EGFLAM: variants seen among roughly 807,000 people sequenced by gnomAD.
The protein encoded by EGFLAM is pikachurin.
EGFLAM carries 79 observed loss-of-function variants against 113.1 expected under a neutral mutation model. The ratio of observed to expected loss-of-function variants is 0.70; its 90% confidence interval spans 0.58 to 0.84. The LOEUF (loss-of-function observed/expected upper bound fraction) is 0.84. Ranked by LOEUF, EGFLAM falls within the 40% of genes least tolerant of loss-of-function variation. EGFLAM has a pLI of 0.00. For missense variants in EGFLAM, 1,265 were observed against 1,291.6 expected (o/e 0.98, Z 0.32); for synonymous variants, 504 against 487.6 (o/e 1.03, Z -0.44).
chr5:38,362,148 C>CA (rs1739940411), intron 5 of EGFLAM, among the ~76,000 whole-genome samples: 1 of 152,184 alleles, frequency 6.6e-6, no homozygotes, highest in African/African-American at 2.4e-5. Flanking sequence ...TGCCCCACTT[C>CA]AATCCCAACT....
At position 38,390,093 on chromosome 5, in the gene EGFLAM, G is replaced by A. The variant is rs180839604; in HGVS notation, c.713-16033G>A. Among the ~76,000 whole-genome samples the A allele has an allele frequency of 4.5e-4, 68 of 152,140 alleles. No individual in the cohort carries two copies. The East Asian group carries it at 0.013, about 28-fold the overall frequency. On this transcript the variant is annotated intron_variant, in intron 6 of 21. Coordinates refer to ENST00000322350, the MANE Select transcript of EGFLAM (RefSeq NM_152403.4). The stretch of plus-strand genomic sequence containing the variant: ...TAGAGAAAAAAATTACAGGTACAGG[G>A]GCAGCCCCTGAGTACTTCCCAACAC...
At chr5:38,317,398 C>A (rs1296020876) in intron 1 of EGFLAM, among the ~76,000 whole-genome samples, 2 of 152,056 alleles carry the variant, frequency 1.3e-5, no homozygotes, top group African/African-American at 4.8e-5. Context: ...ATGCCTTGTG[C>A]CTGGCCTTGG....
chr5:38,426,105 G>GAAA (rs34149274), intron 13 of EGFLAM, among the ~76,000 whole-genome samples: 5 of 142,286 alleles, frequency 3.5e-5, no homozygotes, highest in African/African-American at 7.7e-5. Context: ...TCCATCTTGG[G>GAAA]AAAAAAAAAA....
At chr5:38,260,476 C>A (rs1757473010) in intron 1 of EGFLAM, among the ~76,000 whole-genome samples, 1 of 152,116 alleles carries the variant, frequency 6.6e-6, no homozygotes, top group South Asian at 2.1e-4. Flanking sequence ...TGGAGTTCTT[C>A]TCCTAAAAAG....
At chr5:38,446,969 C>T (rs1742733563) in intron 17 of EGFLAM, among the ~76,000 whole-genome samples, 1 of 152,114 alleles carries the variant, frequency 6.6e-6, no homozygotes, top group African/African-American at 2.4e-5. Flanking sequence ...CATGTATTTT[C>T]GTGAAGCTAT....
rs536530882 is a variant in EGFLAM, at chr5:38,269,615, G to A, written c.97+10764G>A. On this transcript the variant is annotated intron_variant, in intron 1 of 21. Transcript: ENST00000322350. ...CGCCATTCTCCTGCCTCAGCCTCCC[G>A]AGTAGCTGGGACTACAGGTGCGCGC... Among the ~76,000 whole-genome samples, 30 of 151,428 alleles carry A rather than the reference G, an allele frequency of 2.0e-4. 1 individual carries two copies. The highest frequency in any genetic ancestry group is 6.3e-4 in the African/African-American group (26 of 41,278).
intron 1 of EGFLAM, among the ~76,000 whole-genome samples, chr5:38,336,351 G>C (rs1331571605): frequency 6.6e-6 from 1 of 152,110 alleles, no homozygotes; most frequent in Non-Finnish European, 1.5e-5. Context: ...AGGCGGGCAG[G>C]TCACAAGGTC....
chr5:38,397,096 C>T lies in EGFLAM; in HGVS notation c.713-9030C>T, dbSNP rs1740981205. 2.6e-5 allele frequency among the ~76,000 whole-genome samples: 4 copies of T among 152,230 alleles called. No individual in the cohort carries two copies. The South Asian group carries it at 8.3e-4, about 31-fold the overall frequency. ...GCTTTGAGGTGAGGCCTCTGGAAGT[C>T]ACTGGATGCCTGAGGTGCCATTCTT... On this transcript the variant is annotated intron_variant, in intron 6 of 21. Coordinates refer to ENST00000322350, the MANE Select transcript of EGFLAM (RefSeq NM_152403.4).
rs560425572 is a variant in EGFLAM at position 38,331,141 on chromosome 5, T to C, written c.98-6379T>C. ...ATTCATAGTAAAATTAAGAGGAAGG[T>C]AGAGAGATTTCCCATATACTCCCTG... On this transcript the variant is annotated intron_variant, in intron 1 of 21. Coordinates refer to ENST00000322350, the MANE Select transcript of EGFLAM (RefSeq NM_152403.4). 3.9e-5 allele frequency among the ~76,000 whole-genome samples: 6 copies of C among 152,230 alleles called. No individual in the cohort carries two copies. In the South Asian group the frequency reaches 1.2e-3, roughly 32 times the overall value.
chr5:38,368,351 G>C (rs1740118581), intron 5 of EGFLAM, among the ~76,000 whole-genome samples: 1 of 152,164 alleles, frequency 6.6e-6, no homozygotes, highest in Non-Finnish European at 1.5e-5. Context: ...AACCAGCCCT[G>C]CTTCCTCCAT....
At chr5:38,445,026 T>G (rs947516394) in intron 17 of EGFLAM, among the ~76,000 whole-genome samples, 22 of 152,162 alleles carry the variant, frequency 1.4e-4, no homozygotes, top group Admixed American at 1.4e-3. Flanking sequence ...CACTTCAAGC[T>G]CTGATGATTT....
intron 11 of EGFLAM, among the ~76,000 whole-genome samples, chr5:38,415,899 A>G (rs1022780860): frequency 2.0e-5 from 3 of 151,994 alleles, no homozygotes; most frequent in Admixed American, 1.3e-4. Flanking sequence ...AAACTATCAG[A>G]TCTCATGAGA....
intron 1 of EGFLAM, among the ~76,000 whole-genome samples, chr5:38,333,690 C>T (rs1035329033): frequency 1.3e-5 from 2 of 152,038 alleles, no homozygotes; most frequent in South Asian, 2.1e-4. Context: ...CCTACAAATG[C>T]TGGATGTTAG....
At chr5:38,413,117 G>A (rs893134168) in intron 11 of EGFLAM, among the ~76,000 whole-genome samples, 6 of 151,416 alleles carry the variant, frequency 4.0e-5, no homozygotes, top group Non-Finnish European at 7.4e-5. Flanking sequence ...TACCTCCCTG[G>A]TTCAAACCAT....
intron 1 of EGFLAM, among the ~76,000 whole-genome samples, chr5:38,274,094 T>C (rs1757828792): frequency 6.6e-6 from 1 of 151,798 alleles, no homozygotes; most frequent in East Asian, 1.9e-4. Flanking sequence ...AACAGCAAAG[T>C]TTATTAAACA....
chr5:38,370,582 C>T, intron 6 of EGFLAM, 120 bp downstream of exon 6: 1 of 1,276,590 alleles, frequency 7.8e-7, no homozygotes, highest in Non-Finnish European at 1.0e-6. Flanking sequence ...TAACCCCAGG[C>T]TTTCCTCCTG....
intron 15 of EGFLAM, among the ~76,000 whole-genome samples, chr5:38,433,714 A>G (rs2112214284): frequency 6.6e-6 from 1 of 152,152 alleles, no homozygotes; most frequent in African/African-American, 2.4e-5. Flanking sequence ...ATCTTATTTT[A>G]GCTTTTGTGT....
At chr5:38,353,474 A>T (rs58435651) in intron 5 of EGFLAM, among the ~76,000 whole-genome samples, 6,829 of 152,250 alleles carry the variant, frequency 0.045, 516 homozygotes, top group African/African-American at 0.15. Context: ...TGAAGCTGGG[A>T]CAAAGGATTC....
chr5:38,443,181 ACTTAAACC>A (rs1448512241), intron 17 of EGFLAM, among the ~76,000 whole-genome samples: 2 of 152,132 alleles, frequency 1.3e-5, no homozygotes, highest in East Asian at 3.9e-4. Flanking sequence ...CAGGAGAATC[ACTTAAACC>A]CGGGAGGCAG....
Sources: allele counts gnomAD v4.1 joint callset (sites outside exome capture counted in the v4.1 genomes callset), GRCh38; gene constraint gnomAD v4.1.1; transcripts MANE v1.5; gene names NCBI Gene and HGNC (gene_info 2026-07-23, HGNC 2026-07-21).